The following GPC5 variants were observed in gnomAD, a reference collection of about 807,000 sequenced individuals.
The protein encoded by GPC5 is glypican-5.
In GPC5, 47 loss-of-function variants were observed where a neutral mutation model predicts 53.9. The observed-to-expected ratio is 0.87, with a 90% CI of 0.69 to 1.11. The LOEUF (loss-of-function observed/expected upper bound fraction) is 1.11, where lower values mean the gene tolerates loss of function less well. Among genes scored for constraint, GPC5 ranks in the 50% most tolerant of loss-of-function variants. GPC5 has a pLI of 0.00. For missense variants in GPC5, 748 were observed against 713.1 expected, an observed-to-expected ratio of 1.05 and a Z score of -0.56; for synonymous variants, 286 against 263.3, an observed-to-expected ratio of 1.09 and a Z score of -0.84.
At chr13:92,790,771 T>A (rs567539414) in intron 7 of GPC5, among the ~76,000 whole-genome samples, 1 of 152,254 alleles carries the variant, frequency 6.6e-6, no homozygotes, top group East Asian at 1.9e-4. Context: ...AATGGCCTTG[T>A]TTAATGACTC....
At chr13:92,559,860 G>T (rs1238102872) in intron 7 of GPC5, among the ~76,000 whole-genome samples, 1 of 150,962 alleles carries the variant, frequency 6.6e-6, no homozygotes, top group Non-Finnish European at 1.5e-5. Context: ...CCTCTCCACC[G>T]CCTCCTCATA....
chr13:92,584,899 A>G (rs568512451), intron 7 of GPC5, among the ~76,000 whole-genome samples: 4 of 152,048 alleles, frequency 2.6e-5, no homozygotes, highest in East Asian at 2.0e-4. Context: ...CAGCTTCCAC[A>G]TGGTGTCGAG....
At chr13:91,879,283 T>A (rs2039239329) in intron 5 of GPC5, among the ~76,000 whole-genome samples, 1 of 152,234 alleles carries the variant, frequency 6.6e-6, no homozygotes, top group South Asian at 2.1e-4. Flanking sequence ...AAAGTGTGCA[T>A]CAGTTTAAGA....
Position 92,459,507 on chromosome 13 carries a change from C to G in GPC5, c.1561+314518C>G, listed in dbSNP as rs531238616. ...TTTATTTCTGACCTTGTTCTTGGCA[C>G]AGAAGAAGTCGGTTCAAATATGACA... On this transcript the variant is annotated intron_variant, in intron 7 of 7. Transcript: ENST00000377067. Among the ~76,000 whole-genome samples, 32 of 152,298 alleles carry G rather than the reference C, an allele frequency of 2.1e-4. No homozygotes were observed. In the East Asian group the frequency reaches 6.2e-3, roughly 29 times the overall value.
intron 6 of GPC5, among the ~76,000 whole-genome samples, chr13:92,011,513 G>A (rs2040661304): frequency 6.6e-6 from 1 of 152,126 alleles, no homozygotes; most frequent in Admixed American, 6.6e-5. Context: ...TTTAAGCCTT[G>A]TAAGCTTGTG....
At chr13:92,351,749 T>C (rs2043479611) in intron 7 of GPC5, among the ~76,000 whole-genome samples, 1 of 152,104 alleles carries the variant, frequency 6.6e-6, no homozygotes. Context: ...AGATAATATA[T>C]AACTTAAAAT....
intron 2 of GPC5, among the ~76,000 whole-genome samples, chr13:91,686,845 T>C (rs1424002903): frequency 1.3e-5 from 2 of 151,994 alleles, no homozygotes; most frequent in East Asian, 1.9e-4. Context: ...TAATGAATTA[T>C]CCATTGCAAT....
At chr13:92,549,525 T>G (rs1055446595) in intron 7 of GPC5, among the ~76,000 whole-genome samples, 1 of 152,064 alleles carries the variant, frequency 6.6e-6, no homozygotes. Context: ...CAATTTAACA[T>G]GTATCTATAT....
intron 6 of GPC5, among the ~76,000 whole-genome samples, chr13:91,931,777 G>A (rs1239104795): frequency 1.3e-5 from 2 of 151,950 alleles, no homozygotes; most frequent in Non-Finnish European, 2.9e-5. Context: ...CCAAATTCAC[G>A]AATGAGTTGA....
chr13:92,389,945 C>T (rs771597461), intron 7 of GPC5, among the ~76,000 whole-genome samples: 5 of 152,102 alleles, frequency 3.3e-5, no homozygotes, highest in Non-Finnish European at 7.4e-5. Flanking sequence ...AAAATTTCTG[C>T]TTGTCATTTC....
At chr13:92,106,174 A>C (rs945397568) in intron 6 of GPC5, among the ~76,000 whole-genome samples, 2 of 152,012 alleles carry the variant, frequency 1.3e-5, no homozygotes, top group African/African-American at 2.4e-5. Context: ...TTAGAAGATA[A>C]TGATAATTAT....
intron 6 of GPC5, among the ~76,000 whole-genome samples, chr13:92,137,448 C>T (rs931451900): frequency 6.6e-6 from 1 of 152,214 alleles, no homozygotes; most frequent in Non-Finnish European, 1.5e-5. Flanking sequence ...TATGGGTTCT[C>T]TCCTCCAATA....
intron 2 of GPC5, among the ~76,000 whole-genome samples, chr13:91,594,177 T>C (rs911902163): frequency 6.6e-6 from 1 of 152,208 alleles, no homozygotes; most frequent in African/African-American, 2.4e-5. Flanking sequence ...TAATGTTATG[T>C]CATTTTATTA....
chr13:92,366,235 C>A (rs903318943), intron 7 of GPC5, among the ~76,000 whole-genome samples: 1 of 151,708 alleles, frequency 6.6e-6, no homozygotes, highest in Non-Finnish European at 1.5e-5. Flanking sequence ...GTAGATATTA[C>A]AAAAGACAAC....
chr13:92,375,022 T>C (rs2043683003), intron 7 of GPC5, among the ~76,000 whole-genome samples: 1 of 152,188 alleles, frequency 6.6e-6, no homozygotes, highest in South Asian at 2.1e-4. Context: ...CTTGAGTTCG[T>C]TGCAGTATTT....
intron 2 of GPC5, among the ~76,000 whole-genome samples, chr13:91,623,713 C>T (rs903363673): frequency 2.6e-5 from 4 of 152,048 alleles, no homozygotes; most frequent in African/African-American, 9.7e-5. Flanking sequence ...GCCAACAATA[C>T]CAATCTGCTC....
intron 3 of GPC5, among the ~76,000 whole-genome samples, chr13:91,709,003 A>G (rs1404433398): frequency 6.6e-6 from 1 of 152,234 alleles, no homozygotes; most frequent in Non-Finnish European, 1.5e-5. Context: ...CAGATCCTGA[A>G]AAACTATTTT....
rs568067799 is a variant in GPC5, at chr13:91,819,459, A to G, written c.1280+63039A>G. Among the ~76,000 whole-genome samples, 3 of 151,894 alleles carry G rather than the reference A, an allele frequency of 2.0e-5. No homozygotes were observed. The South Asian group carries it at 6.2e-4, about 32-fold the overall frequency. ...CAGGTGTGAGCCACCACACCCGGCC[A>G]TATGCTTTCTTAAATAGCAGAGTTT... On this transcript the variant is annotated intron_variant, in intron 5 of 7. Coordinates refer to ENST00000377067, the MANE Select transcript of GPC5 (RefSeq NM_004466.6).
chr13:91,543,682 T>A (rs961389345), intron 2 of GPC5, among the ~76,000 whole-genome samples: 2 of 152,238 alleles, frequency 1.3e-5, no homozygotes, highest in Non-Finnish European at 2.9e-5. Flanking sequence ...CTTCAGTTAA[T>A]CGTTCAGGTT....
Sources: allele counts gnomAD v4.1 joint callset (sites outside exome capture counted in the v4.1 genomes callset), GRCh38; gene constraint gnomAD v4.1.1; transcripts MANE v1.5; gene names NCBI Gene and HGNC (gene_info 2026-07-23, HGNC 2026-07-21).